KIF2C: variants seen among roughly 807,000 people sequenced by gnomAD.
The protein encoded by KIF2C is kinesin family member 2C, also known as kinesin-like protein KIF2C.
In KIF2C, 34 loss-of-function variants were observed where a neutral mutation model predicts 97.4. The observed-to-expected ratio is 0.35, with a 90% CI of 0.27 to 0.46. The LOEUF (loss-of-function observed/expected upper bound fraction) is 0.46, where lower values mean the gene tolerates loss of function less well. KIF2C is among the 20% of genes least tolerant of loss of function. The pLI, the probability that KIF2C is intolerant of heterozygous loss-of-function variation, is 1.00. For synonymous variants in KIF2C, 313 were observed against 318.2 expected (o/e 0.98, Z 0.17); for missense variants, 750 against 907.6 (o/e 0.83, Z 2.23).
intron 19 of KIF2C, among the ~76,000 whole-genome samples, chr1:44,765,940 T>C (rs1650439687): frequency 1.3e-5 from 2 of 152,098 alleles, no homozygotes; most frequent in Admixed American, 1.3e-4. Context: ...TAATCCCAGC[T>C]ACTTGGGAGG....
rs949796940 is a variant in KIF2C at position 44,762,545 on chromosome 1, T to A, written c.1858T>A (p.Leu620Ile). 9.6e-5 allele frequency: 155 copies of A among 1,613,598 alleles called. No individual in the cohort carries two copies. The highest frequency in any genetic ancestry group is 1.3e-4 in the Non-Finnish European group (150 of 1,179,600). ...CSNGALIPGN[L>I]SKEEEELSSQ... ...TTGTCTTTCTTTTTGGCCCTCTCAGTTATCCAAGGAAGAGGAGGAACTGTC... is the reference window on the plus strand; with the variant it reads ...TTGTCTTTCTTTTTGGCCCTCTCAGATATCCAAGGAAGAGGAGGAACTGTC... The change falls in exon 19 of 21, where the codon TTA (leucine) becomes ATA (isoleucine). Residue 620 changes from leucine (L) to isoleucine (I), a missense_variant and splice_region_variant. Transcript: ENST00000372224.
At chr1:44,746,910 TTTTTTGA>T (rs1383774392) in intron 2 of KIF2C, among the ~76,000 whole-genome samples, 3 of 152,044 alleles carry the variant, frequency 2.0e-5, no homozygotes, top group Non-Finnish European at 4.4e-5. Context: ...TTGTTTTTTG[TTTTTTGA>T]GACAGAGTCT....
At chr1:44,746,849 C>G in intron 2 of KIF2C, 1 of 1,247,310 alleles carries the variant, frequency 8.0e-7, no homozygotes, top group Non-Finnish European at 1.1e-6. Flanking sequence ...TTAGGGGTAC[C>G]CCTGTCTATA....
intron 17 of KIF2C, 77 bp downstream of exon 17, chr1:44,762,060 T>C: frequency 7.6e-7 from 1 of 1,319,670 alleles, no homozygotes; most frequent in East Asian, 2.3e-5. Context: ...GGGAGGAGGC[T>C]CTGGGGCCTC....
At chr1:44,751,789 G>A (rs968052861) in intron 5 of KIF2C, among the ~76,000 whole-genome samples, 3 of 147,316 alleles carry the variant, frequency 2.0e-5, no homozygotes, top group Admixed American at 1.4e-4. Flanking sequence ...GATTACAGGC[G>A]TGAGCTACTG....
At position 44,750,504 on chromosome 1, in the gene KIF2C, A is replaced by G; in HGVS notation, c.379A>G (p.Asn127Asp). Residue 127 changes from asparagine (N) to aspartate (D), a missense_variant, in exon 5 of 21, where the codon AAT becomes GAT. Asn to Asp is a conservative substitution (Grantham distance 23). Coordinates refer to ENST00000372224, the MANE Select transcript of KIF2C (RefSeq NM_006845.4). The part of the protein sequence containing the change: ...VSELRITAQE[N>D]DMEVELPAAA... ...AGAGCTTCGCATCACGGCTCAGGAG[A>G]ATGACATGGAGGTGGAGCTGCCTGC... The G allele has an allele frequency of 6.3e-7, 1 of 1,591,426 alleles. No individual in the cohort carries two copies. The highest frequency in any genetic ancestry group is 8.6e-7 in the Non-Finnish European group (1 of 1,166,678).
At chr1:44,742,210 C>T (rs1370209891) in intron 2 of KIF2C, among the ~76,000 whole-genome samples, 1 of 151,518 alleles carries the variant, frequency 6.6e-6, no homozygotes, top group East Asian at 2.0e-4. Context: ...CCCGGGTTCA[C>T]GTCATTCTCC....
intron 18 of KIF2C, 24 bp from the exon 19 acceptor site, chr1:44,762,521 T>C (rs1650217241): frequency 6.2e-7 from 1 of 1,611,554 alleles, no homozygotes; most frequent in Non-Finnish European, 8.5e-7. Context: ...GTCACATAAT[T>C]GTCTTTCTTT....
chr1:44,759,033 C>G (rs752398937), intron 13 of KIF2C, 173 bp from the exon 14 acceptor site: 1 of 738,274 alleles, frequency 1.4e-6, no homozygotes, highest in East Asian at 2.8e-5. Flanking sequence ...TGAGGCAGTT[C>G]GGCTCAGATC....
At chr1:44,742,980 G>A (rs183879745) in intron 2 of KIF2C, among the ~76,000 whole-genome samples, 6 of 152,328 alleles carry the variant, frequency 3.9e-5, no homozygotes, top group African/African-American at 1.4e-4. Context: ...GGCTTAGAGG[G>A]TGGAGTGTGA....
At chr1:44,757,830 C>A (rs1349810888) in intron 11 of KIF2C, 78 bp from the exon 12 acceptor site, 3 of 1,440,896 alleles carry the variant, frequency 2.1e-6, no homozygotes, top group Non-Finnish European at 2.9e-6. Context: ...TTGTGGCCCA[C>A]TGTAGTGAAG....
chr1:44,746,799 A>C (rs952715582), intron 2 of KIF2C: 8 of 1,580,102 alleles, frequency 5.1e-6, no homozygotes, highest in African/African-American at 4.0e-5. Context: ...TTTTATAGCT[A>C]TTCATACTTA....
intron 8 of KIF2C, among the ~76,000 whole-genome samples, chr1:44,755,550 C>T (rs1197732973): frequency 6.6e-6 from 1 of 152,246 alleles, no homozygotes; most frequent in African/African-American, 2.4e-5. Flanking sequence ...AGGCGTGAGC[C>T]ACCATGCCCA....
chr1:44,760,195 T>G lies in KIF2C; in HGVS notation c.1368-85T>G. 1 of 1,266,278 alleles carries G rather than the reference T, an allele frequency of 7.9e-7. No homozygotes were observed. Among genetic ancestry groups the G allele is most frequent in the East Asian group, 2.3e-5 (1 of 43,142 alleles). 78.4% of individuals were successfully genotyped at this position (1,266,278 alleles called of 1,614,324 possible). On this transcript the variant is annotated intron_variant, in intron 14 of 20. Coordinates refer to ENST00000372224, the MANE Select transcript of KIF2C (RefSeq NM_006845.4). This position sits in a 1 kb window ranked among gnomAD's most constrained non-coding sequence, Gnocchi z 4.2. ...GGACTTTTTCGCCTCCTAACCTGTG[T>G]CCCTCCCTTCCTAGAGAACTTCTGT...
In KIF2C at chr1:44,760,560, A is replaced by G; in HGVS notation, c.1573-32A>G. 6.2e-7 allele frequency: 1 copy of G among 1,612,452 alleles called. No homozygotes were observed. Among genetic ancestry groups the G allele is most frequent in the Non-Finnish European group, 8.5e-7 (1 of 1,178,896 alleles). ...GGGGAGGGATCAGTGCAAGGAAAGAAGGGACCTCAGTTGTTCCTGCTGCCC... is the reference window on the plus strand; with the variant it reads ...GGGGAGGGATCAGTGCAAGGAAAGAGGGGACCTCAGTTGTTCCTGCTGCCC... On this transcript the variant is annotated intron_variant, in intron 15 of 20. Coordinates refer to ENST00000372224, the MANE Select transcript of KIF2C (RefSeq NM_006845.4). The surrounding 1 kb of genome is among the most constrained non-coding windows in gnomAD (Gnocchi z 4.2).
rs1388027482 is a variant in KIF2C, at chr1:44,761,782, A to G, written c.1684-134A>G. 6.2e-6 allele frequency: 5 copies of G among 803,598 alleles called. No individual in the cohort carries two copies. In the African/African-American group the frequency reaches 6.7e-5, roughly 11 times the overall value. The allele number at this position is 803,598 out of a possible 1,614,324, so 49.8% of individuals were successfully genotyped here. On this transcript the variant is annotated intron_variant, in intron 16 of 20. Transcript: ENST00000372224. The stretch of plus-strand genomic sequence containing the variant: ...GTGGCCTAGCACAGCGCGGTGCTAA[A>G]TGACTCCTCCCACCAATACCATGTG...
chr1:44,746,825 G>A, intron 2 of KIF2C: 1 of 1,497,702 alleles, frequency 6.7e-7, no homozygotes, highest in East Asian at 2.4e-5. Context: ...ACTTAAAGTT[G>A]GTAAAGTTTG....
intron 19 of KIF2C, 56 bp downstream of exon 19, chr1:44,762,714 C>T: frequency 8.9e-7 from 1 of 1,118,612 alleles, no homozygotes; most frequent in East Asian, 2.3e-5. Flanking sequence ...CAGTATGCTC[C>T]ACACCATTCC....
chr1:44,751,282 G>T (rs929295419), intron 5 of KIF2C, among the ~76,000 whole-genome samples: 1 of 151,888 alleles, frequency 6.6e-6, no homozygotes, highest in African/African-American at 2.4e-5. Flanking sequence ...TGCAACTTCC[G>T]CCTCCTAGGT....
Sources: gnomAD v4.1 joint callset for allele counts (sites outside exome capture counted in the v4.1 genomes callset) on GRCh38, gnomAD v4.1.1 for gene constraint, Gnocchi (gnomAD v3.1) non-coding constraint, MANE v1.5 for transcripts, NCBI Gene and HGNC (gene_info 2026-07-23, HGNC 2026-07-21) for gene names.